Variants in CLN8 observed in about 807,000 individuals in gnomAD.
The protein encoded by CLN8 is protein CLN8.
CLN8 carries 14 observed loss-of-function variants against 15.7 expected under a neutral mutation model. The observed-to-expected ratio is 0.89, with a 90% confidence interval of 0.59 to 1.39. The LOEUF is 1.39. Ranked by LOEUF, CLN8 falls within the 40% of genes most tolerant of loss-of-function variation. The probability of loss-of-function intolerance (pLI) is 0.00; values close to 1 mark genes in which losing one functional copy is unlikely to be tolerated. For synonymous variants in CLN8, 188 were observed against 151.0 expected (o/e 1.25, Z -1.80); for missense variants, 415 against 364.0 (o/e 1.14, Z -1.14).
At chr8:1,761,372 T>TTC (rs1800792294), upstream of CLN8, among the ~76,000 whole-genome samples, 3 of 152,202 alleles carry the variant, frequency 2.0e-5, no homozygotes, top group Non-Finnish European at 4.4e-5. Context: ...TTGCCCAGGC[T>TTC]GGAGTGCAGT....
intron 1 of CLN8, among the ~76,000 whole-genome samples, chr8:1,756,622 C>T (rs1800676307): frequency 1.3e-5 from 1 of 74,790 alleles, no homozygotes; most frequent in East Asian, 4.7e-4. Context: ...AAAATAGTAA[C>T]AGGATGAAAA....
intron 1 of CLN8, chr8:1,764,357 C>CAGGCGG (rs5888906): frequency 0.68 from 102,975 of 151,524 alleles, 35,351 homozygotes; most frequent in South Asian, 0.77. Context: ...AGGGAGGGGA[C>CAGGCGG]AGGCGGAGGC....
intron 2 of CLN8, among the ~76,000 whole-genome samples, chr8:1,778,644 A>C (rs930269869): frequency 1.3e-5 from 2 of 152,206 alleles, no homozygotes; most frequent in African/African-American, 4.8e-5. Context: ...GGAAAGCCGC[A>C]CTGGCGGTCT....
At chr8:1,766,716 G>A (rs930864801) in intron 1 of CLN8, among the ~76,000 whole-genome samples, 1 of 152,166 alleles carries the variant, frequency 6.6e-6, no homozygotes. Flanking sequence ...TTTACCCATG[G>A]AAGGAACAGT....
At chr8:1,767,359 C>G (rs1293683468) in intron 1 of CLN8, among the ~76,000 whole-genome samples, 1 of 152,100 alleles carries the variant, frequency 6.6e-6, no homozygotes, top group East Asian at 1.9e-4. Flanking sequence ...GAGGGTTTGC[C>G]CACTCAGCTG....
chr8:1,761,757 G>A (rs193195993), upstream of CLN8, among the ~76,000 whole-genome samples: 7 of 152,338 alleles, frequency 4.6e-5, no homozygotes, highest in East Asian at 5.8e-4. Flanking sequence ...TGCTGAGTGC[G>A]GGCCACAAGA....
chr8:1,771,606 A>G lies in CLN8; in HGVS notation c.543+9A>G, dbSNP rs982453047. The stretch of plus-strand genomic sequence containing the variant: ...CCTGGATGCTCTTAAAGGTAAGTGC[A>G]TGCATCAGCAGAAGATGACATGTGC... On this transcript the variant is annotated intron_variant, in intron 2 of 2. Transcript: ENST00000331222. 30 of 1,612,212 alleles carry G rather than the reference A, an allele frequency of 1.9e-5. No homozygotes were observed. The highest frequency in any genetic ancestry group is 2.3e-5 in the Non-Finnish European group (27 of 1,179,194).
chr8:1,779,212 T>C (rs971017925), intron 2 of CLN8, among the ~76,000 whole-genome samples: 9 of 152,208 alleles, frequency 5.9e-5, no homozygotes, highest in African/African-American at 1.9e-4. Context: ...CTTTAAATAT[T>C]CAAAAACACC....
upstream of CLN8, chr8:1,760,506 G>A (rs1213588389): frequency 1.3e-5 from 2 of 152,108 alleles, no homozygotes; most frequent in Admixed American, 1.3e-4. Flanking sequence ...TGGTTTTTTA[G>A]AAAACAAAAC....
intron 2 of CLN8, among the ~76,000 whole-genome samples, chr8:1,772,626 TTGTGTGTGTGTGTG>T (rs568342994): frequency 8.2e-4 from 121 of 147,428 alleles, no homozygotes; most frequent in African/African-American, 2.7e-3. Context: ...CCTAGCTAAT[TTGTGTGTGTGTGTG>T]TGTGTGTGTG....
At chr8:1,769,825 A>G (rs1386003485) in intron 1 of CLN8, among the ~76,000 whole-genome samples, 1 of 152,178 alleles carries the variant, frequency 6.6e-6, no homozygotes, top group African/African-American at 2.4e-5. Flanking sequence ...CTGTGGACCC[A>G]GTGCTGCATC....
intron 1 of CLN8, among the ~76,000 whole-genome samples, chr8:1,765,676 C>G (rs552523595): frequency 5.9e-5 from 9 of 152,156 alleles, no homozygotes; most frequent in African/African-American, 2.2e-4. Flanking sequence ...GAGTGGGTAA[C>G]AGGAATGCTG....
Position 1,766,374 on chromosome 8 carries a change from C to T in CLN8, c.-124+2489C>T, listed in dbSNP as rs531207165. Among the ~76,000 whole-genome samples the T allele has an allele frequency of 7.5e-5, 11 of 146,264 alleles. No individual in the cohort carries two copies. The East Asian group carries it at 1.0e-3, about 14-fold the overall frequency. ...AAGAACCAGATGAGTCCATTAGGTTCGGCCTCCAGTTTTTTGTTTTTTTTT... is the reference window on the plus strand; with the variant it reads ...AAGAACCAGATGAGTCCATTAGGTTTGGCCTCCAGTTTTTTGTTTTTTTTT... On this transcript the variant is annotated intron_variant, in intron 1 of 2. Coordinates refer to ENST00000331222, the MANE Select transcript of CLN8 (RefSeq NM_018941.4).
At chr8:1,761,513 C>T (rs769905540), upstream of CLN8, among the ~76,000 whole-genome samples, 1 of 152,178 alleles carries the variant, frequency 6.6e-6, no homozygotes, top group African/African-American at 2.4e-5. Flanking sequence ...TTAGTAGAGA[C>T]GGGGTTTTGC....
At chr8:1,773,984 G>C (rs1292976694) in intron 2 of CLN8, 1 of 152,216 alleles carries the variant, frequency 6.6e-6, no homozygotes, top group Non-Finnish European at 1.5e-5. Context: ...TAGATTAATA[G>C]TTATCTTGTA....
intron 2 of CLN8, among the ~76,000 whole-genome samples, chr8:1,773,354 G>T (rs1801388186): frequency 6.6e-6 from 1 of 152,224 alleles, no homozygotes; most frequent in Non-Finnish European, 1.5e-5. Flanking sequence ...GGCGATACTG[G>T]AGACATCCTG....
chr8:1,765,278 C>A (rs1801005249), intron 1 of CLN8: 1 of 152,192 alleles, frequency 6.6e-6, no homozygotes, highest in Non-Finnish European at 1.5e-5. Flanking sequence ...TTAGCTGTTG[C>A]TGAGAGAAGA....
rs1307608868 is a variant in CLN8, at chr8:1,771,232, G to C, written c.178G>C (p.Glu60Gln). 6.2e-7 allele frequency: 1 copy of C among 1,613,854 alleles called. No individual in the cohort carries two copies. Among genetic ancestry groups the C allele is most frequent in the Admixed American group, 1.7e-5 (1 of 59,996 alleles). Residue 60 changes from glutamate to glutamine, a missense_variant, in exon 2 of 3, where the codon GAG (glutamate) becomes CAG (glutamine). Coordinates refer to ENST00000331222, the MANE Select transcript of CLN8 (RefSeq NM_018941.4). Reference protein sequence around the residue: ...NATYRSLVAREKVFWDLAATR... With the variant: ...NATYRSLVARQKVFWDLAATR... ...CACTTACCGTTCTTTGGTGGCCAGA[G>C]AGAAGGTCTTCTGGGACCTGGCGGC...
At chr8:1,766,104 A>G (rs1193810903) in intron 1 of CLN8, among the ~76,000 whole-genome samples, 1 of 152,200 alleles carries the variant, frequency 6.6e-6, no homozygotes, top group Non-Finnish European at 1.5e-5. Flanking sequence ...AACAGAGCTA[A>G]CACTCTTACT....
Sources: gnomAD v4.1 joint callset for allele counts (sites outside exome capture counted in the v4.1 genomes callset) on GRCh38, gnomAD v4.1.1 for gene constraint, MANE v1.5 for transcripts, NCBI Gene and HGNC (gene_info 2026-07-23, HGNC 2026-07-21) for gene names.